POSTN: variants seen among roughly 807,000 people sequenced by gnomAD.
POSTN encodes osteoblast specific factor 2 (fasciclin I-like).
In POSTN, 71 loss-of-function variants were observed where a neutral mutation model predicts 104.5. The ratio of observed to expected loss-of-function variants is 0.68; its 90% CI spans 0.56 to 0.83. POSTN has a LOEUF of 0.83. Among genes scored for constraint, POSTN ranks in the 40% least tolerant of loss-of-function variants. POSTN has a pLI of 0.00. For missense variants in POSTN, 949 were observed against 1,006.8 expected (o/e 0.94, Z 0.78); for synonymous variants, 355 against 340.7 (o/e 1.04, Z -0.46).
chr13:37,589,741 A>C (rs980166902), intron 4 of POSTN, among the ~76,000 whole-genome samples: 18 of 152,142 alleles, frequency 1.2e-4, no homozygotes, highest in Non-Finnish European at 4.4e-5. Flanking sequence ...TGTATATTTC[A>C]CTCTAGTAAT....
At chr13:37,564,206 A>ATAT (rs1353393102) in intron 22 of POSTN, among the ~76,000 whole-genome samples, 18 of 125,910 alleles carry the variant, frequency 1.4e-4, no homozygotes, top group Non-Finnish European at 4.9e-5. Flanking sequence ...ATATATATAT[A>ATAT]TATATATATA....
intron 17 of POSTN, among the ~76,000 whole-genome samples, chr13:37,572,931 G>A (rs990955337): frequency 1.3e-5 from 2 of 151,494 alleles, no homozygotes; most frequent in Non-Finnish European, 3.0e-5. Context: ...ACACAGGAGT[G>A]TAATTTCTGA....
intron 17 of POSTN, chr13:37,571,682 C>T: frequency 6.6e-6 from 3 of 454,630 alleles, no homozygotes; most frequent in Non-Finnish European, 1.2e-5. Flanking sequence ...TTACTTTCAT[C>T]TGCTTTAGCT....
At position 37,580,663 on chromosome 13, in the gene POSTN, C is replaced by T. The variant is rs1950556868; in HGVS notation, c.1427G>A (p.Gly476Glu). The change falls in exon 11 of 23, where the codon GGG becomes GAG. Residue 476 changes from glycine (G) to glutamate (E), a missense_variant. Coordinates refer to ENST00000379747, the MANE Select transcript of POSTN (RefSeq NM_006475.3). The stretch of plus-strand genomic sequence containing the variant: ...CGCACCGTTTCTCCCTTGCTTACTC[C>T]CTTTCTCCATGCATGAATTTTCAAT... ...VCIENSCMEK[G>E]SKQGRNGAIH... 1 of 1,613,906 alleles carries T rather than the reference C, an allele frequency of 6.2e-7. No homozygotes were observed. The highest frequency in any genetic ancestry group is 8.5e-7 in the Non-Finnish European group (1 of 1,179,994).
intron 19 of POSTN, 75 bp from the exon 20 acceptor site, chr13:37,569,896 A>G (rs1004892185): frequency 1.3e-5 from 13 of 981,404 alleles, no homozygotes; most frequent in Non-Finnish European, 2.1e-5. Context: ...GAGAGTAAGT[A>G]TTTTACACTT....
rs1469259107 is a variant in POSTN at position 37,585,045 on chromosome 13, AT to A, written c.896-118del. The A allele has an allele frequency of 3.5e-6, 5 of 1,436,072 alleles. No homozygotes were observed. In the African/African-American group the frequency reaches 7.2e-5, roughly 21 times the overall value. The allele number at this position is 1,436,072 out of a possible 1,614,324, so 89.0% of individuals were successfully genotyped here. ...CCTTAAAATGTAGTAAAACCTAAGG[AT>A]TCACTAACAGCTTTAAAATCCTATT... On this transcript the variant is annotated intron_variant, in intron 7 of 22. Transcript: ENST00000379747.
intron 7 of POSTN, among the ~76,000 whole-genome samples, chr13:37,585,667 G>A (rs1950722794): frequency 6.6e-6 from 1 of 152,128 alleles, no homozygotes; most frequent in South Asian, 2.1e-4. Flanking sequence ...GGCTGAGTAA[G>A]TGAAGTATGC....
At chr13:37,565,492 A>T (rs1020856356) in intron 21 of POSTN, 1 of 152,034 alleles carries the variant, frequency 6.6e-6, no homozygotes. Flanking sequence ...CATGTTTTCA[A>T]TTCGCTGAAA....
chr13:37,566,316 A>C (rs2138142404), intron 21 of POSTN, among the ~76,000 whole-genome samples: 1 of 152,260 alleles, frequency 6.6e-6, no homozygotes, highest in South Asian at 2.1e-4. Flanking sequence ...ACTCAGCTCA[A>C]TTATTTTGAC....
chr13:37,567,235 CAAAAAA>C (rs71093694), intron 21 of POSTN, among the ~76,000 whole-genome samples: 3 of 36,928 alleles, frequency 8.1e-5, no homozygotes, highest in Non-Finnish European at 1.4e-4. Flanking sequence ...GACTCCGTCT[CAAAAAA>C]AAAAAAAAAA....
intron 2 of POSTN, among the ~76,000 whole-genome samples, chr13:37,595,944 G>A (rs761220220): frequency 6.6e-6 from 1 of 151,246 alleles, no homozygotes; most frequent in Non-Finnish European, 1.5e-5. Context: ...CCAAATAGGT[G>A]CCTGCCACCA....
At chr13:37,588,007 A>G in intron 4 of POSTN, 21 bp from the exon 5 acceptor site, 3 of 1,558,210 alleles carry the variant, frequency 1.9e-6, no homozygotes, top group South Asian at 2.3e-5. Flanking sequence ...TTGCAATGAT[A>G]GAAATTCAAT....
At position 37,598,670 on chromosome 13, in the gene POSTN, TA is replaced by T; in HGVS notation, c.56del (p.Ile19LysfsTer66). On this transcript the variant is annotated frameshift_variant, in exon 1 of 23. Coordinates refer to ENST00000379747, the MANE Select transcript of POSTN (RefSeq NM_006475.3). LOFTEE classifies it high-confidence loss of function. ...SLLLLLIVNP[I>X]NANNHYDKIL... ...TCTTGTCATAATGATTGTTGGCGTT[TA>T]TAGGGTTAACAATAAGCAGCAATAG... 1 of 1,613,554 alleles carries T rather than the reference TA, an allele frequency of 6.2e-7. No homozygotes were observed. Among genetic ancestry groups the T allele is most frequent in the Non-Finnish European group, 8.5e-7 (1 of 1,179,546 alleles).
At position 37,597,283 on chromosome 13, in the gene POSTN, C is replaced by G; in HGVS notation, c.120-1G>C. 6.4e-7 allele frequency: 1 copy of G among 1,568,196 alleles called. No homozygotes were observed. On this transcript the variant is annotated splice_acceptor_variant, in intron 1 of 22. Transcript: ENST00000379747. LOFTEE classifies it high-confidence loss of function. ...CTGTTGAAGGGCACAGACATTTGGGCTGGAGGATAGAGGGAAAGGAAAAAA... is the reference window on the plus strand; with the variant it reads ...CTGTTGAAGGGCACAGACATTTGGGGTGGAGGATAGAGGGAAAGGAAAAAA...
intron 7 of POSTN, among the ~76,000 whole-genome samples, chr13:37,585,906 T>C (rs1289826225): frequency 6.6e-6 from 1 of 152,224 alleles, no homozygotes; most frequent in Admixed American, 6.5e-5. Context: ...TATCTACTAC[T>C]TATTTACTTG....
chr13:37,581,767 A>G (rs1271883249), intron 10 of POSTN, among the ~76,000 whole-genome samples: 1 of 152,126 alleles, frequency 6.6e-6, no homozygotes, highest in Non-Finnish European at 1.5e-5. Flanking sequence ...AGAGTCCAGA[A>G]ATCTCTATGT....
intron 1 of POSTN, 109 bp downstream of exon 1, chr13:37,598,499 A>G: frequency 1.0e-6 from 1 of 969,686 alleles, no homozygotes; most frequent in Non-Finnish European, 1.5e-6. Flanking sequence ...CTTTATAATA[A>G]TTAGGAAAAA....
intron 15 of POSTN, 62 bp from the exon 16 acceptor site, chr13:37,577,860 G>T (rs1403138284): frequency 5.0e-6 from 8 of 1,602,658 alleles, no homozygotes; most frequent in Admixed American, 3.4e-5. Context: ...CAAAACCATG[G>T]CACCACTTTA....
chr13:37,571,237 G>T, intron 18 of POSTN, 132 bp downstream of exon 18: 1 of 624,720 alleles, frequency 1.6e-6, no homozygotes, highest in Non-Finnish European at 2.7e-6. Context: ...TCATAGCTGA[G>T]GAAATAATTC....
Sources: gnomAD v4.1 joint callset for allele counts (sites outside exome capture counted in the v4.1 genomes callset) on GRCh38, gnomAD v4.1.1 for gene constraint, MANE v1.5 for transcripts, NCBI Gene and HGNC (gene_info 2026-07-23, HGNC 2026-07-21) for gene names.